Variants in CDH11 observed in about 807,000 individuals in gnomAD.
CDH11 encodes the protein cadherin-11.
Under a neutral mutation model 67.8 loss-of-function variants are expected in CDH11, and 11 were observed. The observed-to-expected ratio is 0.16, with a 90% confidence interval of 0.10 to 0.27. CDH11 has a LOEUF of 0.27. Ranked by LOEUF, CDH11 falls within the 10% of genes least tolerant of loss-of-function variation. The pLI is 1.00. For missense variants in CDH11, 847 were observed against 1,031.2 expected, an observed-to-expected ratio of 0.82 and a Z score of 2.45; for synonymous variants, 419 against 400.0, an observed-to-expected ratio of 1.05 and a Z score of -0.57.
chr16:65,116,210 T>C (rs1286302081), intron 1 of CDH11, among the ~76,000 whole-genome samples: 4 of 152,232 alleles, frequency 2.6e-5, no homozygotes, highest in Admixed American at 1.3e-4. Context: ...TGAGCTGCTA[T>C]GCCTATCCTT....
At chr16:64,968,830 T>C (rs532643497) in intron 11 of CDH11, among the ~76,000 whole-genome samples, 1 of 152,274 alleles carries the variant, frequency 6.6e-6, no homozygotes, top group Admixed American at 6.5e-5. Flanking sequence ...CAGTAGGCTA[T>C]TAATAGGATA....
intron 1 of CDH11, among the ~76,000 whole-genome samples, chr16:65,091,495 T>C (rs1368799071): frequency 2.0e-5 from 3 of 152,200 alleles, no homozygotes; most frequent in Admixed American, 6.5e-5. Context: ...ATTACTGTTG[T>C]TACAATAGAA....
chr16:64,967,841 A>G (rs1004923083), intron 11 of CDH11, among the ~76,000 whole-genome samples: 2 of 152,164 alleles, frequency 1.3e-5, no homozygotes, highest in Non-Finnish European at 2.9e-5. Flanking sequence ...ATAGGCATTA[A>G]TTTTGTAATA....
intron 2 of CDH11, among the ~76,000 whole-genome samples, chr16:65,047,358 G>GTT (rs202208591): frequency 4.0e-5 from 6 of 148,610 alleles, no homozygotes; most frequent in Admixed American, 1.3e-4. Flanking sequence ...GTTTGTTTTT[G>GTT]GTTTTTTTTT....
intron 1 of CDH11, among the ~76,000 whole-genome samples, chr16:65,117,798 AATG>A (rs1302658900): frequency 6.6e-6 from 1 of 152,118 alleles, no homozygotes; most frequent in Non-Finnish European, 1.5e-5. Flanking sequence ...TGGAGTCAGA[AATG>A]ATGCTCTTTT....
chr16:65,116,852 C>A (rs898110383), intron 1 of CDH11, among the ~76,000 whole-genome samples: 1 of 152,142 alleles, frequency 6.6e-6, no homozygotes, highest in African/African-American at 2.4e-5. Context: ...TTCCTCCTTT[C>A]CCTCTCTTCT....
intron 11 of CDH11, among the ~76,000 whole-genome samples, chr16:64,967,532 G>A (rs2071873608): frequency 6.6e-6 from 1 of 152,146 alleles, no homozygotes. Flanking sequence ...TGGCGAAGGT[G>A]TGGAAAACAA....
chr16:65,101,974 T>C lies in CDH11; in HGVS notation c.-298+19906A>G, dbSNP rs940941936. Among the ~76,000 whole-genome samples the C allele has an allele frequency of 2.0e-5, 3 of 152,206 alleles. No homozygotes were observed. The South Asian group carries it at 6.2e-4, about 31-fold the overall frequency. Reference sequence around the variant, plus strand: ...GATGGGTTTTTTGTTGTTGTTTGTTTCAGGGACATCTTTACTCACAGTTAT... The same window carrying C: ...GATGGGTTTTTTGTTGTTGTTTGTTCCAGGGACATCTTTACTCACAGTTAT... On this transcript the variant is annotated intron_variant, in intron 1 of 12. Coordinates refer to ENST00000268603, the MANE Select transcript of CDH11 (RefSeq NM_001797.4).
At chr16:64,994,896 G>A (rs941683371) in intron 4 of CDH11, among the ~76,000 whole-genome samples, 3 of 152,000 alleles carry the variant, frequency 2.0e-5, no homozygotes, top group African/African-American at 4.8e-5. Context: ...AAAAGTCAAC[G>A]GCATTTCTAT....
chr16:65,040,024 G>C (rs1271297115), intron 2 of CDH11, among the ~76,000 whole-genome samples: 1 of 152,216 alleles, frequency 6.6e-6, no homozygotes, highest in African/African-American at 2.4e-5. Context: ...TCTCATACCA[G>C]TTAGAATGGC....
chr16:64,968,363 T>C, intron 11 of CDH11: 2 of 916,822 alleles, frequency 2.2e-6, no homozygotes, highest in Non-Finnish European at 2.6e-6. Context: ...TGCACTTTTC[T>C]CATCCATTAC....
intron 11 of CDH11, among the ~76,000 whole-genome samples, chr16:64,959,082 G>A (rs1421444172): frequency 6.6e-6 from 1 of 152,160 alleles, no homozygotes; most frequent in Admixed American, 6.5e-5. Context: ...CCAAGACTCT[G>A]ATGGCTATAA....
intron 11 of CDH11, among the ~76,000 whole-genome samples, chr16:64,967,561 A>T (rs1482404082): frequency 6.6e-6 from 1 of 152,216 alleles, no homozygotes; most frequent in Non-Finnish European, 1.5e-5. Flanking sequence ...CTTACAGTCA[A>T]CTGATATTAT....
At chr16:65,044,402 C>A (rs991038328) in intron 2 of CDH11, among the ~76,000 whole-genome samples, 1 of 151,928 alleles carries the variant, frequency 6.6e-6, no homozygotes, top group Non-Finnish European at 1.5e-5. Flanking sequence ...AAAAAAATGA[C>A]CTTTTAGGGT....
chr16:65,003,835 TC>T (rs1436871026), intron 3 of CDH11, among the ~76,000 whole-genome samples: 1 of 152,174 alleles, frequency 6.6e-6, no homozygotes, highest in African/African-American at 2.4e-5. Context: ...GGGTCTAGCA[TC>T]AGGACATAAG....
At chr16:64,973,142 T>C in intron 8 of CDH11, 102 bp from the exon 9 acceptor site, 1 of 1,087,324 alleles carries the variant, frequency 9.2e-7, no homozygotes, top group Non-Finnish European at 1.3e-6. Context: ...TCTCAATGAA[T>C]TACTTAAGCT....
At chr16:65,062,661 T>G (rs2074251161) in intron 1 of CDH11, among the ~76,000 whole-genome samples, 1 of 152,218 alleles carries the variant, frequency 6.6e-6, no homozygotes, top group Non-Finnish European at 1.5e-5. Flanking sequence ...AGACACAAGC[T>G]GTACAAACTC....
chr16:64,995,902 A>G (rs1191606670), intron 4 of CDH11, among the ~76,000 whole-genome samples: 1 of 152,198 alleles, frequency 6.6e-6, no homozygotes. Context: ...TTCAACAAGT[A>G]AAAAAACAAT....
At chr16:65,040,620 T>C (rs2073850266) in intron 2 of CDH11, among the ~76,000 whole-genome samples, 1 of 152,168 alleles carries the variant, frequency 6.6e-6, no homozygotes, top group South Asian at 2.1e-4. Flanking sequence ...GATGAGTTAA[T>C]GGGTGCAGCA....
Sources: gnomAD v4.1 joint callset for allele counts (sites outside exome capture counted in the v4.1 genomes callset) on GRCh38, gnomAD v4.1.1 for gene constraint, MANE v1.5 for transcripts, NCBI Gene and HGNC (gene_info 2026-07-23, HGNC 2026-07-21) for gene names.